VPS13A: variants seen among roughly 807,000 people sequenced by gnomAD.
The protein encoded by VPS13A is vacuolar protein sorting 13 homolog A, also known as intermembrane lipid transfer protein VPS13A.
VPS13A carries 264 observed loss-of-function variants against 390.9 expected under a neutral mutation model. The observed-to-expected ratio is 0.68, with a 90% CI of 0.61 to 0.75. The LOEUF (loss-of-function observed/expected upper bound fraction) is 0.75, where lower values mean the gene tolerates loss of function less well. Among genes scored for constraint, VPS13A ranks in the 30% least tolerant of loss-of-function variants. The probability of loss-of-function intolerance (pLI) is 0.00; values close to 1 mark genes in which losing one functional copy is unlikely to be tolerated. For synonymous variants in VPS13A, 1,231 were observed against 1,227.1 expected (o/e 1.00, Z -0.07); for missense variants, 3,409 against 3,733.9 (o/e 0.91, Z 2.27).
chr9:77,399,187 A>C lies in VPS13A; in HGVS notation c.9190-4049A>C, dbSNP rs1563990826. ...TATAATAAAAAAAAAAAAATAAAAA[A>C]AAAAAAAAAAAAAAAAAACAAAGGA... On this transcript the variant is annotated intron_variant, in intron 68 of 71. Coordinates refer to ENST00000360280, the MANE Select transcript of VPS13A (RefSeq NM_033305.3). Among the ~76,000 whole-genome samples the C allele has an allele frequency of 3.8e-4, 53 of 140,738 alleles. 1 individual carries two copies. Among genetic ancestry groups the C allele is most frequent in the Middle Eastern group, 3.6e-3 (1 of 276 alleles). The allele number at this position is 140,738 out of a possible 152,430, so 92.3% of individuals were successfully genotyped here.
chr9:77,272,019 T>C (rs1826378999), intron 23 of VPS13A, among the ~76,000 whole-genome samples: 1 of 151,406 alleles, frequency 6.6e-6, no homozygotes, highest in Non-Finnish European at 1.5e-5. Flanking sequence ...TTAGAGTTTA[T>C]GTACTTCGTG....
Position 77,366,733 on chromosome 9 carries a change from T to A in VPS13A, c.8332T>A (p.Leu2778Ile). ...YFHISPIKLH[L>I]SVSLSSGREE... ...TATCTCTTTATCTTTTTAGTTACAT[T>A]TAAGTGTTTCACTGAGTTCCGGCAG... is the stretch of plus-strand genomic sequence containing the variant. The change falls in exon 61 of 72, where the codon TTA becomes ATA. Residue 2778 changes from leucine (L) to isoleucine (I), a missense_variant. By Grantham distance (5) the Leu-to-Ile change is conservative. Around this residue, in one of 5 missense-constraint regions of VPS13A, gnomAD observed 123 missense variants for 118.7 expected, o/e 1.04. Coordinates refer to ENST00000360280, the MANE Select transcript of VPS13A (RefSeq NM_033305.3). 1 of 1,611,534 alleles carries A rather than the reference T, an allele frequency of 6.2e-7. No individual in the cohort carries two copies. Among genetic ancestry groups the A allele is most frequent in the South Asian group, 1.1e-5 (1 of 90,758 alleles).
intron 1 of VPS13A, among the ~76,000 whole-genome samples, chr9:77,183,757 A>G (rs1297532292): frequency 6.6e-5 from 10 of 152,266 alleles, no homozygotes; most frequent in Non-Finnish European, 1.5e-4. Context: ...ATGAAAGCAT[A>G]TGTTCATACA....
intron 52 of VPS13A, among the ~76,000 whole-genome samples, chr9:77,349,346 T>C (rs1831330916): frequency 1.3e-5 from 2 of 152,200 alleles, no homozygotes; most frequent in African/African-American, 4.8e-5. Context: ...TGTGCAGGTT[T>C]GTTACATGGG....
At chr9:77,400,378 TC>T (rs976773695) in intron 68 of VPS13A, among the ~76,000 whole-genome samples, 1 of 152,100 alleles carries the variant, frequency 6.6e-6, no homozygotes, top group Non-Finnish European at 1.5e-5. Flanking sequence ...ACAAATATTT[TC>T]CCAAATTGTC....
rs1229489150 is a variant in VPS13A at position 77,339,857 on chromosome 9, TA to T, written c.6725del (p.Lys2242SerfsTer22). 3 of 1,613,690 alleles carry T rather than the reference TA, an allele frequency of 1.9e-6. No homozygotes were observed. The highest frequency in any genetic ancestry group is 2.5e-6 in the Non-Finnish European group (3 of 1,179,930). On this transcript the variant is annotated frameshift_variant, in exon 48 of 72. Transcript: ENST00000360280. LOFTEE classifies it high-confidence loss of function. ...TTCATCGAAAGCATCCACCTAATTA[TA>T]AAAAGCCAGTTCTCTTTTCTTTTCA... The part of the protein sequence containing the change: ...GIHRKHPPNY[K>X]KPVLFSFQPN...
intron 68 of VPS13A, among the ~76,000 whole-genome samples, chr9:77,401,211 A>G (rs1018293662): frequency 1.2e-4 from 18 of 152,058 alleles, no homozygotes; most frequent in African/African-American, 4.1e-4. Context: ...TTCTTCTTTC[A>G]TAATTTACTG....
At chr9:77,352,068 T>G (rs1271460754) in intron 53 of VPS13A, among the ~76,000 whole-genome samples, 3 of 152,228 alleles carry the variant, frequency 2.0e-5, no homozygotes, top group Admixed American at 2.0e-4. Flanking sequence ...AGAATAAAGT[T>G]GTGTTTAGAG....
intron 21 of VPS13A, 22 bp from the exon 22 acceptor site, chr9:77,252,213 A>G (rs751972927): frequency 1.9e-6 from 3 of 1,550,554 alleles, no homozygotes; most frequent in Non-Finnish European, 2.7e-6. Flanking sequence ...TACGTTAAAT[A>G]TGAACTATTT....
At chr9:77,255,253 A>G (rs1825375307) in intron 22 of VPS13A, among the ~76,000 whole-genome samples, 1 of 152,146 alleles carries the variant, frequency 6.6e-6, no homozygotes, top group Admixed American at 6.5e-5. Context: ...TCATGTGATC[A>G]TGTAAAAAAT....
chr9:77,352,117 T>G (rs929150721), intron 53 of VPS13A, among the ~76,000 whole-genome samples: 1 of 152,244 alleles, frequency 6.6e-6, no homozygotes, highest in Non-Finnish European at 1.5e-5. Context: ...AAATATGTTC[T>G]CTGCATTGAC....
intron 17 of VPS13A, among the ~76,000 whole-genome samples, chr9:77,234,138 C>T (rs1027097162): frequency 1.3e-5 from 2 of 152,008 alleles, no homozygotes; most frequent in Non-Finnish European, 2.9e-5. Context: ...ACCTTTTCTT[C>T]TTGTCACAGT....
intron 23 of VPS13A, among the ~76,000 whole-genome samples, chr9:77,270,463 G>C (rs545057171): frequency 4.6e-5 from 7 of 152,250 alleles, no homozygotes; most frequent in Admixed American, 1.3e-4. Flanking sequence ...ATTGCAGCTG[G>C]TCAAATCACT....
intron 17 of VPS13A, among the ~76,000 whole-genome samples, chr9:77,234,397 C>T (rs1158970148): frequency 6.6e-6 from 1 of 152,130 alleles, no homozygotes; most frequent in Non-Finnish European, 1.5e-5. Flanking sequence ...TTATGAGTTG[C>T]ATGCAGTATA....
In VPS13A at chr9:77,411,841, C is replaced by T. The variant is rs182013136; in HGVS notation, c.9475-4115C>T. 3.5e-3 allele frequency among the ~76,000 whole-genome samples: 537 copies of T among 151,328 alleles called. 3 individuals carry two copies. Among genetic ancestry groups the T allele is most frequent in the African/African-American group, 0.012 (507 of 41,182 alleles). On this transcript the variant is annotated intron_variant, in intron 71 of 71. Coordinates refer to ENST00000360280, the MANE Select transcript of VPS13A (RefSeq NM_033305.3). Reference sequence around the variant, plus strand: ...GAAAATATCAACAAAATTGATGGACCGCCAGCAAGTCTAATAAAGAAGAAA... The same window carrying T: ...GAAAATATCAACAAAATTGATGGACTGCCAGCAAGTCTAATAAAGAAGAAA...
At chr9:77,399,967 A>C (rs944060543) in intron 68 of VPS13A, among the ~76,000 whole-genome samples, 1 of 151,930 alleles carries the variant, frequency 6.6e-6, no homozygotes, top group African/African-American at 2.4e-5. Context: ...CAGTATGCAC[A>C]GGTTTTTTAT....
intron 65 of VPS13A, 78 bp from the exon 66 acceptor site, chr9:77,370,812 T>A (rs976616002): frequency 2.4e-5 from 38 of 1,580,894 alleles, no homozygotes; most frequent in Middle Eastern, 2.3e-4. Flanking sequence ...AACTCTGTAT[T>A]TTTTGTGTAA....
At chr9:77,280,099 T>A (rs1360281681) in intron 26 of VPS13A, 60 bp from the exon 27 acceptor site, 4 of 1,294,334 alleles carry the variant, frequency 3.1e-6, no homozygotes, top group Non-Finnish European at 4.4e-6. Context: ...ATAAGATTGC[T>A]TGCATTTATT....
chr9:77,285,993 C>T (rs1330258604), intron 31 of VPS13A, among the ~76,000 whole-genome samples: 4 of 152,074 alleles, frequency 2.6e-5, no homozygotes, highest in Non-Finnish European at 4.4e-5. Flanking sequence ...CCTGTGTTTC[C>T]TTAAATCGGT....
Sources: allele counts gnomAD v4.1 joint callset (sites outside exome capture counted in the v4.1 genomes callset), GRCh38; gene constraint gnomAD v4.1.1; regional missense constraint gnomAD v4.1.1; transcripts MANE v1.5; gene names NCBI Gene and HGNC (gene_info 2026-07-23, HGNC 2026-07-21).